BZW2: variants seen among roughly 807,000 people sequenced by gnomAD.
BZW2 encodes the protein basic leucine zipper and W2 domains 2.
In BZW2, 23 loss-of-function variants were observed where a neutral mutation model predicts 53.2. The ratio of observed to expected loss-of-function variants is 0.43; its 90% CI spans 0.31 to 0.61. The LOEUF (loss-of-function observed/expected upper bound fraction) is 0.61. BZW2 is among the 20% of genes least tolerant of loss of function. BZW2 has a pLI of 0.09. For synonymous variants in BZW2, 227 were observed against 186.4 expected, an observed-to-expected ratio of 1.22 and a Z score of -1.77; for missense variants, 409 against 503.1, an observed-to-expected ratio of 0.81 and a Z score of 1.79.
chr7:16,670,939 C>G (rs1224885221), intron 2 of BZW2, among the ~76,000 whole-genome samples: 1 of 152,156 alleles, frequency 6.6e-6, no homozygotes, highest in African/African-American at 2.4e-5. Flanking sequence ...ACTGGGAATG[C>G]CATTCTTCTC....
At chr7:16,682,075 T>C (rs1360529261) in intron 4 of BZW2, among the ~76,000 whole-genome samples, 2 of 152,350 alleles carry the variant, frequency 1.3e-5, no homozygotes, top group African/African-American at 4.8e-5. Flanking sequence ...CCATATTTTT[T>C]ACTCTTGGAC....
rs531913002 is a variant in BZW2, at chr7:16,674,377, T to G, written c.59-35T>G. The G allele has an allele frequency of 1.5e-5, 22 of 1,476,590 alleles. No homozygotes were observed. The South Asian group carries it at 2.7e-4, about 18-fold the overall frequency. 91.5% of individuals were successfully genotyped at this position (1,476,590 alleles called of 1,614,324 possible). On this transcript the variant is annotated intron_variant, in intron 2 of 11. Transcript: ENST00000258761. The stretch of plus-strand genomic sequence containing the variant: ...TGTTATACTCTCAGTATTTATTTAT[T>G]TATTTGACTGTTATTTTGAATTGTT...
At position 16,706,270 on chromosome 7, in the gene BZW2, G is replaced by T; in HGVS notation, c.*182G>T. ...GTTTTGTTTTTAAATGGAGCCCTGA[G>T]GCATCAGCTATTATACTTGGGACTC... On this transcript the variant is annotated 3_prime_UTR_variant, in exon 12 of 12. Coordinates refer to ENST00000258761, the MANE Select transcript of BZW2 (RefSeq NM_014038.3). 1.6e-6 allele frequency: 1 copy of T among 626,696 alleles called. No homozygotes were observed. The highest frequency in any genetic ancestry group is 2.9e-5 in the East Asian group (1 of 34,852). 38.8% of individuals were successfully genotyped at this position (626,696 alleles called of 1,614,324 possible).
At chr7:16,685,713 C>G (rs1437465308) in intron 5 of BZW2, among the ~76,000 whole-genome samples, 192 bp from the exon 6 acceptor site, 1 of 152,066 alleles carries the variant, frequency 6.6e-6, no homozygotes, top group Non-Finnish European at 1.5e-5. Flanking sequence ...TCTGCCTGCT[C>G]AAGTCACTTT....
At chr7:16,652,639 C>G (rs531075923) in intron 1 of BZW2, among the ~76,000 whole-genome samples, 6 of 152,156 alleles carry the variant, frequency 3.9e-5, no homozygotes, top group Admixed American at 6.5e-5. Flanking sequence ...ATTCTCCTGC[C>G]TCAGCCTACC....
Position 16,646,223 on chromosome 7 carries a change from G to A in BZW2, c.-73G>A. On this transcript the variant is annotated 5_prime_UTR_variant, in exon 1 of 12. Transcript: ENST00000258761. ...CGCCACTGCTGCTGCTGCTGCTGCT[G>A]CCGCTGCTGCTGCACGAATCGCCGC... 5.8e-6 allele frequency: 2 copies of A among 345,626 alleles called. No homozygotes were observed. Among genetic ancestry groups the A allele is most frequent in the Non-Finnish European group, 5.9e-6 (1 of 169,158 alleles). 21.4% of individuals were successfully genotyped at this position (345,626 alleles called of 1,614,324 possible). A position where few individuals can be genotyped will look rare whatever the true frequency, so the allele number is the denominator to read the frequency against.
chr7:16,650,324 T>C (rs1035076857), intron 1 of BZW2, among the ~76,000 whole-genome samples: 2 of 152,166 alleles, frequency 1.3e-5, no homozygotes, highest in Admixed American at 1.3e-4. Flanking sequence ...TTAGTTTAAC[T>C]GAGAAAATCA....
chr7:16,665,581 G>C, intron 2 of BZW2, 80 bp downstream of exon 2: 1 of 1,560,934 alleles, frequency 6.4e-7, no homozygotes. Flanking sequence ...AATGATCCCT[G>C]TTTCCCCCAG....
At chr7:16,689,007 C>T (rs1293555396) in intron 6 of BZW2, among the ~76,000 whole-genome samples, 2 of 152,168 alleles carry the variant, frequency 1.3e-5, no homozygotes, top group Non-Finnish European at 1.5e-5. Context: ...AGGTGGATCA[C>T]CTGAGGTCAA....
At chr7:16,648,193 G>A (rs1781914205) in intron 1 of BZW2, among the ~76,000 whole-genome samples, 1 of 152,178 alleles carries the variant, frequency 6.6e-6, no homozygotes, top group Non-Finnish European at 1.5e-5. Flanking sequence ...GATAAGATTA[G>A]ATAATGAGCA....
Position 16,696,974 on chromosome 7 carries a change from T to A in BZW2, c.882T>A (p.Ile294=). The change falls in exon 9 of 12, where the codon ATT becomes ATA. Residue 294 remains isoleucine (I), a synonymous_variant. Coordinates refer to ENST00000258761, the MANE Select transcript of BZW2 (RefSeq NM_014038.3). ...KRNDLPETAV[I]GLLWTCIMNA... is the part of the protein sequence containing the mutation. The stretch of plus-strand genomic sequence containing the variant: ...ATGATCTTCCAGAAACAGCAGTGAT[T>A]GGTCTTCTGTGGACATGTATAATGA... 6.2e-7 allele frequency: 1 copy of A among 1,614,120 alleles called. No homozygotes were observed. Among genetic ancestry groups the A allele is most frequent in the Non-Finnish European group, 8.5e-7 (1 of 1,179,952 alleles).
rs1294235440 is a variant in BZW2 at position 16,681,295 on chromosome 7, T to G, written c.236-6T>G. ...ATCCTAATTACAATTACCTTTCTCTTTTTAGCCCCTGGAGGAACGCGCATA... is the reference window on the plus strand; with the variant it reads ...ATCCTAATTACAATTACCTTTCTCTGTTTAGCCCCTGGAGGAACGCGCATA... On this transcript the variant is annotated splice_region_variant and splice_polypyrimidine_tract_variant and intron_variant, in intron 3 of 11. Coordinates refer to ENST00000258761, the MANE Select transcript of BZW2 (RefSeq NM_014038.3). 2 of 1,611,094 alleles carry G rather than the reference T, an allele frequency of 1.2e-6. No individual in the cohort carries two copies. The highest frequency in any genetic ancestry group is 1.1e-5 in the South Asian group (1 of 90,874).
At position 16,685,892 on chromosome 7, in the gene BZW2, T is replaced by TTTTTA; in HGVS notation, c.406-10_406-9insTATTT. The stretch of plus-strand genomic sequence containing the variant: ...TTTCTTTTTCTTTTTTTTTTTTTTT[T>TTTTTA]TTTGACCCACAGCTTCTCCTCTTCC... On this transcript the variant is annotated splice_polypyrimidine_tract_variant and intron_variant, in intron 5 of 11. Coordinates refer to ENST00000258761, the MANE Select transcript of BZW2 (RefSeq NM_014038.3). 1 of 1,475,016 alleles carries TTTTTA rather than the reference T, an allele frequency of 6.8e-7. No individual in the cohort carries two copies. 91.4% of individuals were successfully genotyped at this position (1,475,016 alleles called of 1,614,324 possible).
At chr7:16,686,686 A>G (rs1048202992) in intron 6 of BZW2, 26 of 152,306 alleles carry the variant, frequency 1.7e-4, no homozygotes, top group African/African-American at 6.3e-4. Flanking sequence ...AAATAAATTA[A>G]AAGAGCTTTT....
chr7:16,690,207 CT>C (rs541086435), intron 7 of BZW2, among the ~76,000 whole-genome samples: 116 of 145,758 alleles, frequency 8.0e-4, no homozygotes, highest in Non-Finnish European at 8.5e-4. Context: ...AACTTTTTTA[CT>C]TTTTTTTTTT....
At chr7:16,664,675 G>C (rs1250883832) in intron 1 of BZW2, among the ~76,000 whole-genome samples, 3 of 152,164 alleles carry the variant, frequency 2.0e-5, no homozygotes, top group Admixed American at 2.0e-4. Flanking sequence ...TGTTCCACTT[G>C]GTGCCTAAAT....
At chr7:16,653,730 C>G (rs951086866) in intron 1 of BZW2, among the ~76,000 whole-genome samples, 13 of 152,150 alleles carry the variant, frequency 8.5e-5, no homozygotes, top group African/African-American at 3.1e-4. Context: ...AGGTGAAAAT[C>G]TCGAATGCAT....
intron 1 of BZW2, among the ~76,000 whole-genome samples, chr7:16,664,941 A>G (rs1257006585): frequency 6.6e-6 from 1 of 152,136 alleles, no homozygotes; most frequent in South Asian, 2.1e-4. Flanking sequence ...TGTTTTTCCT[A>G]TGTCCTTTGC....
chr7:16,649,211 A>T (rs935900724), intron 1 of BZW2, among the ~76,000 whole-genome samples: 1 of 152,202 alleles, frequency 6.6e-6, no homozygotes, highest in Non-Finnish European at 1.5e-5. Flanking sequence ...CTCATTCTAC[A>T]GTATACATTA....
Sources: allele counts gnomAD v4.1 joint callset (sites outside exome capture counted in the v4.1 genomes callset), GRCh38; gene constraint gnomAD v4.1.1; transcripts MANE v1.5; gene names NCBI Gene and HGNC (gene_info 2026-07-23, HGNC 2026-07-21).